The following IDH2 variants were observed in gnomAD, a reference collection of about 807,000 sequenced individuals.
IDH2 encodes the protein isocitrate dehydrogenase [NADP], mitochondrial.
In IDH2, 18 loss-of-function variants were observed where a neutral mutation model predicts 50.5. That is an observed-to-expected ratio of 0.36 (90% CI 0.25 to 0.53). The LOEUF is 0.53. Among genes scored for constraint, IDH2 ranks in the 20% least tolerant of loss-of-function variants. IDH2 has a pLI of 0.92. For synonymous variants in IDH2, 280 were observed against 239.8 expected, an observed-to-expected ratio of 1.17 and a Z score of -1.55; for missense variants, 518 against 610.7, an observed-to-expected ratio of 0.85 and a Z score of 1.60.
At chr15:90,099,648 G>A (rs775770686) in intron 1 of IDH2, among the ~76,000 whole-genome samples, 1 of 152,006 alleles carries the variant, frequency 6.6e-6, no homozygotes, top group African/African-American at 2.4e-5. Context: ...TGTAGAGATG[G>A]GGTCTCACTA....
chr15:90,097,266 ATT>A (rs1422072204), intron 1 of IDH2, among the ~76,000 whole-genome samples: 2 of 152,226 alleles, frequency 1.3e-5, no homozygotes, highest in African/African-American at 4.8e-5. Flanking sequence ...ATTACAGTAT[ATT>A]GTTATAATTG....
At chr15:90,090,389 A>T (rs745638545) in intron 3 of IDH2, 90 bp downstream of exon 3, 419 of 1,408,446 alleles carry the variant, frequency 3.0e-4, no homozygotes, top group Non-Finnish European at 3.8e-4. Flanking sequence ...GAGATGAGTG[A>T]CATGGCCAAC....
At chr15:90,087,294 G>C in intron 6 of IDH2, 31 bp from the exon 7 acceptor site, 1 of 1,614,076 alleles carries the variant, frequency 6.2e-7, no homozygotes, top group African/African-American at 1.3e-5. Flanking sequence ...TATGGGGAGA[G>C]GGCAGAAGGC....
intron 1 of IDH2, among the ~76,000 whole-genome samples, chr15:90,093,619 T>TTTA (rs2151553061): frequency 1.3e-5 from 2 of 152,030 alleles, no homozygotes; most frequent in East Asian, 3.9e-4. Flanking sequence ...AATTTATTTA[T>TTTA]TTATTTATTT....
chr15:90,087,108 G>A lies in IDH2; in HGVS notation c.967+4C>T, dbSNP rs1360622365. 2.7e-5 allele frequency: 43 copies of A among 1,613,922 alleles called. No homozygotes were observed. The highest frequency in any genetic ancestry group is 3.5e-5 in the Non-Finnish European group (41 of 1,179,964). Reference sequence around the variant, plus strand: ...CCACAGGGAGCAGCGTCCTCCCAGCGTACCCTGGGCCAGGATGTCTGACTG... The same window carrying A: ...CCACAGGGAGCAGCGTCCTCCCAGCATACCCTGGGCCAGGATGTCTGACTG... On this transcript the variant is annotated splice_donor_region_variant and intron_variant, in intron 7 of 10. Coordinates refer to ENST00000330062, the MANE Select transcript of IDH2 (RefSeq NM_002168.4).
At chr15:90,102,186 G>T in intron 1 of IDH2, 90 bp downstream of exon 1, 1 of 488,944 alleles carries the variant, frequency 2.0e-6, no homozygotes, top group Non-Finnish European at 3.1e-6. Context: ...GCTGCGGGCT[G>T]GCGGGACGTG....
chr15:90,095,189 C>T (rs961037285), intron 1 of IDH2, among the ~76,000 whole-genome samples: 1 of 152,108 alleles, frequency 6.6e-6, no homozygotes, highest in African/African-American at 2.4e-5. Context: ...AATGCAGCCT[C>T]TGGAAGACCC....
chr15:90,099,887 T>C (rs1901284579), intron 1 of IDH2, among the ~76,000 whole-genome samples: 1 of 152,218 alleles, frequency 6.6e-6, no homozygotes, highest in African/African-American at 2.4e-5. Context: ...TTCCCAGCTC[T>C]ATCCCCAGCA....
rs150062697 is a variant in IDH2 at position 90,098,511 on chromosome 15, T to TATGTATGTATGTATGCATGC, written c.115+3745_115+3764dup. ...AGCAACTTTGTATATTTTATGTATG[T>TATGTATGTATGTATGCATGC]ATGTATGTATGTATGCATGCATGTA... On this transcript the variant is annotated intron_variant, in intron 1 of 10. Transcript: ENST00000330062. This position sits in a 1 kb window ranked among gnomAD's most constrained non-coding sequence, Gnocchi z 5.1. Among the ~76,000 whole-genome samples the TATGTATGTATGTATGCATGC allele has an allele frequency of 0.22, 30,542 of 139,338 alleles. 4,056 individuals carry two copies. The highest frequency in any genetic ancestry group is 0.59 in the East Asian group (2,787 of 4,740). 91.4% of individuals were successfully genotyped at this position (139,338 alleles called of 152,430 possible). A position where few individuals can be genotyped will look rare whatever the true frequency, so the allele number is the denominator to read the frequency against.
chr15:90,101,684 G>T (rs936825184), intron 1 of IDH2, among the ~76,000 whole-genome samples: 10 of 152,010 alleles, frequency 6.6e-5, no homozygotes, highest in Non-Finnish European at 1.0e-4. Flanking sequence ...CGAAGGGGTG[G>T]GGGTGGGGGC....
At position 90,084,509 on chromosome 15, in the gene IDH2, T is replaced by G. The variant is rs1900805889; in HGVS notation, c.1272-156A>C. 2.8e-5 allele frequency among the ~76,000 whole-genome samples: 4 copies of G among 145,212 alleles called. No individual in the cohort carries two copies. Among genetic ancestry groups the G allele is most frequent in the African/African-American group, 7.7e-5 (3 of 39,062 alleles). On this transcript the variant is annotated intron_variant, in intron 10 of 10. Coordinates refer to ENST00000330062, the MANE Select transcript of IDH2 (RefSeq NM_002168.4). The surrounding 1 kb of genome is among the most constrained non-coding windows in gnomAD (Gnocchi z 5.0). ...AGAGGCCAGCTATAGCCCCCTACCA[T>G]GAGGCCACCGAGATTCGGCAGGCAC...
intron 1 of IDH2, among the ~76,000 whole-genome samples, chr15:90,092,970 T>A: frequency 6.6e-6 from 1 of 152,144 alleles, no homozygotes; most frequent in East Asian, 1.9e-4. Context: ...TCTGGCTAGG[T>A]AGAACTACCC....
At chr15:90,091,526 G>A in intron 2 of IDH2, 27 bp downstream of exon 2, 2 of 1,580,728 alleles carry the variant, frequency 1.3e-6, no homozygotes, top group Non-Finnish European at 1.7e-6. Context: ...CACCTGGAGA[G>A]CCACCCACTT....
intron 5 of IDH2, among the ~76,000 whole-genome samples, chr15:90,087,792 T>A (rs931049841): frequency 1.3e-4 from 19 of 151,516 alleles, no homozygotes; most frequent in African/African-American, 4.6e-4. Flanking sequence ...TTTTTTTTTT[T>A]TGGAAAACAC....
rs1488037711 is a variant in IDH2 at position 90,090,497 on chromosome 15, CA to C, written c.354del (p.Asp119MetfsTer10). Reference protein sequence around the residue: ...SVAVKCATITPDEARVEEFKL... With the variant: ...SVAVKCATITXDEARVEEFKL... ...CTCGCACCTTCCACACGGGCCTCAT[CA>C]GGGGTGATGGTGGCACACTTGACAG... On this transcript the variant is annotated frameshift_variant, in exon 3 of 11. Coordinates refer to ENST00000330062, the MANE Select transcript of IDH2 (RefSeq NM_002168.4). LOFTEE classifies it high-confidence loss of function. The C allele has an allele frequency of 3.1e-6, 5 of 1,613,684 alleles. No homozygotes were observed. The highest frequency in any genetic ancestry group is 1.7e-5 in the Admixed American group (1 of 59,998).
At chr15:90,087,603 GT>G in intron 5 of IDH2, 28 bp from the exon 6 acceptor site, 1 of 1,612,194 alleles carries the variant, frequency 6.2e-7, no homozygotes, top group Non-Finnish European at 8.5e-7. Context: ...GGGCCCTGGC[GT>G]GGTGCCCTAG....
rs910386641 is a variant in IDH2, at chr15:90,084,014, C to G, written c.*252G>C. 1.8e-6 allele frequency: 1 copy of G among 562,330 alleles called. No homozygotes were observed. The highest frequency in any genetic ancestry group is 3.2e-6 in the Non-Finnish European group (1 of 311,968). The allele number at this position is 562,330 out of a possible 1,614,324, so 34.8% of individuals were successfully genotyped here. ...GCTTTTTAGTAGCTAAATATGGCAC[C>G]ATGTGTTCCAAGGGCAATATAAATT... On this transcript the variant is annotated 3_prime_UTR_variant, in exon 11 of 11. Transcript: ENST00000330062. This position sits in a 1 kb window ranked among gnomAD's most constrained non-coding sequence, Gnocchi z 5.0.
rs776539314 is a variant in IDH2, at chr15:90,087,572, T to C, written c.682A>G (p.Ile228Val). Residue 228 changes from isoleucine (I) to valine (V), a missense_variant, in exon 6 of 11, where the codon ATC becomes GTC. Ile to Val is a conservative substitution (Grantham distance 29, BLOSUM62 3). Coordinates refer to ENST00000330062, the MANE Select transcript of IDH2 (RefSeq NM_002168.4). ...AAGCAGCTGTGCGCAAAACCTGAGA[T>C]GGACTGCAGGGGGAGAGACAGGGCC... ...GMGMYNTDES[I>V]SGFAHSCFQY... 1.2e-6 allele frequency: 2 copies of C among 1,613,198 alleles called. No homozygotes were observed. The highest frequency in any genetic ancestry group is 1.7e-5 in the Admixed American group (1 of 60,028).
At chr15:90,088,984 G>A (rs562659515) in intron 3 of IDH2, among the ~76,000 whole-genome samples, 11 of 142,378 alleles carry the variant, frequency 7.7e-5, no homozygotes, top group African/African-American at 1.0e-4. Flanking sequence ...GCGCGATCTC[G>A]GCTCACCACA....
Sources: gnomAD v4.1 joint callset for allele counts (sites outside exome capture counted in the v4.1 genomes callset) on GRCh38, gnomAD v4.1.1 for gene constraint, Gnocchi (gnomAD v3.1) non-coding constraint, MANE v1.5 for transcripts, NCBI Gene and HGNC (gene_info 2026-07-23, HGNC 2026-07-21) for gene names.